Variants in EML4 observed in about 807,000 individuals in gnomAD.
EML4 encodes the protein EMAP like 4, also known as echinoderm microtubule-associated protein-like 4.
EML4 carries 72 observed loss-of-function variants against 129.0 expected under a neutral mutation model. That is an observed-to-expected ratio of 0.56 (90% confidence interval 0.46 to 0.68). The LOEUF (loss-of-function observed/expected upper bound fraction) is 0.68. Ranked by LOEUF, EML4 falls within the 30% of genes least tolerant of loss-of-function variation. EML4 has a pLI of 0.00. For synonymous variants in EML4, 532 were observed against 405.0 expected, an observed-to-expected ratio of 1.31 and a Z score of -3.77; for missense variants, 1,363 against 1,190.6, an observed-to-expected ratio of 1.14 and a Z score of -2.13.
intron 1 of EML4, among the ~76,000 whole-genome samples, chr2:42,171,656 T>C (rs1009863276): frequency 1.3e-5 from 2 of 152,178 alleles, no homozygotes; most frequent in Admixed American, 6.5e-5. Flanking sequence ...TGATGAGACT[T>C]TCCTTTAGAT....
chr2:42,307,904 C>G (rs1668700785), intron 17 of EML4, among the ~76,000 whole-genome samples: 1 of 152,220 alleles, frequency 6.6e-6, no homozygotes, highest in Admixed American at 6.5e-5. Flanking sequence ...ATCACCTTGC[C>G]TGGGCCTCCC....
intron 1 of EML4, chr2:42,170,102 G>T (rs922144157): frequency 3.9e-5 from 6 of 154,964 alleles, no homozygotes; most frequent in African/African-American, 1.4e-4. Flanking sequence ...TCCTTTTTAG[G>T]GGAGGGACCC....
At chr2:42,243,182 G>C (rs1055640738) in intron 1 of EML4, among the ~76,000 whole-genome samples, 1 of 152,166 alleles carries the variant, frequency 6.6e-6, no homozygotes, top group African/African-American at 2.4e-5. Flanking sequence ...TAGATTGACA[G>C]CTCTACTAGG....
At chr2:42,310,629 AG>A (rs545261129) in intron 17 of EML4, among the ~76,000 whole-genome samples, 153 of 152,328 alleles carry the variant, frequency 1.0e-3, no homozygotes, top group Non-Finnish European at 8.1e-4. Flanking sequence ...TACAGGCATG[AG>A]CCCCCACTCC....
chr2:42,187,015 AT>A (rs1671288651), intron 1 of EML4, among the ~76,000 whole-genome samples: 1 of 106,590 alleles, frequency 9.4e-6, no homozygotes, highest in South Asian at 3.0e-4. Context: ...TTTCCATTGT[AT>A]TTTGTCTTTT....
rs116124488 is a variant in EML4 at position 42,269,083 on chromosome 2, G to A, written c.667+4352G>A. Among the ~76,000 whole-genome samples, 607 of 152,216 alleles carry A rather than the reference G, an allele frequency of 4.0e-3. 3 individuals are homozygous for A. The highest frequency in any genetic ancestry group is 0.014 in the African/African-American group (579 of 41,540). On this transcript the variant is annotated intron_variant, in intron 6 of 22. Coordinates refer to ENST00000318522, the MANE Select transcript of EML4 (RefSeq NM_019063.5). ...GTACAGTGATATCCTAACTGTACAG[G>A]TATATCAAAATGGAAGGACAGTTAT...
chr2:42,232,437 C>T, intron 1 of EML4, among the ~76,000 whole-genome samples: 1 of 152,190 alleles, frequency 6.6e-6, no homozygotes, highest in East Asian at 1.9e-4. Context: ...AATTATAAAA[C>T]TACAGCCTTA....
At chr2:42,181,801 A>G (rs537409532) in intron 1 of EML4, among the ~76,000 whole-genome samples, 1 of 152,110 alleles carries the variant, frequency 6.6e-6, no homozygotes, top group Non-Finnish European at 1.5e-5. Context: ...CAGCCCTAGA[A>G]TCAGCCATTT....
chr2:42,252,962 G>A (rs1301100632), intron 2 of EML4, among the ~76,000 whole-genome samples: 1 of 152,034 alleles, frequency 6.6e-6, no homozygotes, highest in Non-Finnish European at 1.5e-5. Context: ...ATTCCTTGAT[G>A]TCAGTAACTG....
At chr2:42,312,171 C>T (rs148027155) in intron 17 of EML4, among the ~76,000 whole-genome samples, 57 of 152,292 alleles carry the variant, frequency 3.7e-4, no homozygotes, top group Non-Finnish European at 5.4e-4. Flanking sequence ...TTCCTGGAAG[C>T]TTCAGCTCAC....
At chr2:42,326,001 G>A (rs2103835704) in intron 20 of EML4, 153 bp from the exon 21 acceptor site, 1 of 744,418 alleles carries the variant, frequency 1.3e-6, no homozygotes, top group Non-Finnish European at 1.6e-6. Flanking sequence ...CTGTTAAAGT[G>A]AACACTTTCT....
In EML4 at chr2:42,316,025, G is replaced by A. The variant is rs1669228887; in HGVS notation, c.2031G>A (p.Gln677=). 2 of 1,613,550 alleles carry A rather than the reference G, an allele frequency of 1.2e-6. No homozygotes were observed. The highest frequency in any genetic ancestry group is 2.2e-5 in the South Asian group (2 of 91,042). Reference sequence around the variant, plus strand: ...CTATCCACACAGACGGGAATGAACAGCTCTCTGTGATGCGCTACTCAATAG... The same window carrying A: ...CTATCCACACAGACGGGAATGAACAACTCTCTGTGATGCGCTACTCAATAG... ...LVSIHTDGNE[Q]LSVMRYSIDG... is the part of the protein sequence containing the mutation. Residue 677 remains glutamine (Q), a synonymous_variant, in exon 18 of 23, where the codon CAG becomes CAA. Transcript: ENST00000318522.
At chr2:42,319,265 T>A (rs1346257347) in intron 19 of EML4, among the ~76,000 whole-genome samples, 1 of 152,188 alleles carries the variant, frequency 6.6e-6, no homozygotes, top group Non-Finnish European at 1.5e-5. Flanking sequence ...ATTTCGTGTC[T>A]TATTTTACTG....
At chr2:42,242,725 T>C (rs1057304045) in intron 1 of EML4, among the ~76,000 whole-genome samples, 1 of 145,126 alleles carries the variant, frequency 6.9e-6, no homozygotes, top group Admixed American at 6.7e-5. Context: ...TTCTTTTCTC[T>C]TCTCTTCTCG....
intron 1 of EML4, among the ~76,000 whole-genome samples, chr2:42,218,282 T>G (rs1351350595): frequency 2.0e-5 from 3 of 151,986 alleles, no homozygotes; most frequent in Admixed American, 6.6e-5. Context: ...CTGTTTTCCA[T>G]CACTTCCAGA....
intron 6 of EML4, among the ~76,000 whole-genome samples, chr2:42,272,905 G>A (rs182977366): frequency 2.0e-5 from 3 of 152,186 alleles, no homozygotes; most frequent in Admixed American, 2.0e-4. Context: ...AAATTGGACA[G>A]CCTTCAAACA....
chr2:42,227,549 A>G (rs1278961694), intron 1 of EML4, among the ~76,000 whole-genome samples: 4 of 150,916 alleles, frequency 2.7e-5, no homozygotes, highest in African/African-American at 7.3e-5. Flanking sequence ...CAGCAACTCA[A>G]TTTTGTGTGA....
At chr2:42,177,874 A>T (rs996098094) in intron 1 of EML4, among the ~76,000 whole-genome samples, 1 of 152,220 alleles carries the variant, frequency 6.6e-6, no homozygotes, top group African/African-American at 2.4e-5. Context: ...ACTTCGTGTG[A>T]TATTGCTTCA....
At chr2:42,301,505 A>C in intron 14 of EML4, 113 bp downstream of exon 14, 1 of 849,868 alleles carries the variant, frequency 1.2e-6, no homozygotes, top group Non-Finnish European at 1.7e-6. Flanking sequence ...TTATAATTTC[A>C]TTTCCTTTCC....
Sources: gnomAD v4.1 joint callset for allele counts (sites outside exome capture counted in the v4.1 genomes callset) on GRCh38, gnomAD v4.1.1 for gene constraint, MANE v1.5 for transcripts, NCBI Gene and HGNC (gene_info 2026-07-23, HGNC 2026-07-21) for gene names.